PCDHA3: variants seen among roughly 807,000 people sequenced by gnomAD.
The protein encoded by PCDHA3 is protocadherin alpha 3.
A neutral mutation model predicts 62.2 loss-of-function variants in PCDHA3; 41 were observed. The observed-to-expected ratio is 0.66, with a 90% CI of 0.51 to 0.86. The LOEUF is 0.86. Ranked by LOEUF, PCDHA3 falls within the 40% of genes least tolerant of loss-of-function variation. The pLI is 0.00. For missense variants in PCDHA3, 1,304 were observed against 1,241.2 expected (o/e 1.05, Z -0.76); for synonymous variants, 640 against 555.4 (o/e 1.15, Z -2.14).
chr5:140,961,504 G>T (rs2095618659), intron 1 of PCDHA3, among the ~76,000 whole-genome samples: 1 of 152,112 alleles, frequency 6.6e-6, no homozygotes, highest in African/African-American at 2.4e-5. Flanking sequence ...GGGAGACTTT[G>T]TTTAATGTCT....
chr5:140,992,436 G>A (rs782486395), intron 3 of PCDHA3, among the ~76,000 whole-genome samples: 10 of 152,186 alleles, frequency 6.6e-5, no homozygotes, highest in Non-Finnish European at 1.3e-4. Flanking sequence ...TGTTCCAAGA[G>A]TTGGGAGCAG....
chr5:140,985,739 CTTTTTTT>C (rs11372071), intron 3 of PCDHA3, among the ~76,000 whole-genome samples: 2 of 117,922 alleles, frequency 1.7e-5, no homozygotes, highest in African/African-American at 6.4e-5. Flanking sequence ...TGATGAATTC[CTTTTTTT>C]TTTTTTTTTT....
chr5:140,804,261 T>C (rs1212354141), intron 1 of PCDHA3: 1 of 152,214 alleles, frequency 6.6e-6, no homozygotes, highest in Non-Finnish European at 1.5e-5. Flanking sequence ...AGAATAACAA[T>C]TGCATTTAGA....
chr5:140,845,872 C>T (rs1261726866), intron 1 of PCDHA3, among the ~76,000 whole-genome samples: 3 of 149,504 alleles, frequency 2.0e-5, no homozygotes, highest in Non-Finnish European at 4.5e-5. Flanking sequence ...AGAAAGGCAA[C>T]CTAAAATGTC....
intron 1 of PCDHA3, chr5:140,866,169 T>C (rs914189373): frequency 2.0e-5 from 3 of 152,132 alleles, no homozygotes; most frequent in African/African-American, 4.8e-5. Context: ...TCGTTTAACA[T>C]GTAAGAAAAG....
rs193096250 is a variant in PCDHA3 at position 140,998,611 on chromosome 5, C to A, written c.2543-11016C>A. Among the ~76,000 whole-genome samples, 28 of 151,482 alleles carry A rather than the reference C, an allele frequency of 1.8e-4. No individual in the cohort carries two copies. The East Asian group carries it at 5.2e-3, about 28-fold the overall frequency. ...CAGAGTTTTGCTCTTGTTGCCCAGG[C>A]TGGAGTGCAATGGCACAATCTCAGC... On this transcript the variant is annotated intron_variant, in intron 3 of 3. Transcript: ENST00000522353.
At chr5:140,830,376 A>G in intron 1 of PCDHA3, 1 of 1,614,094 alleles carries the variant, frequency 6.2e-7, no homozygotes, top group South Asian at 1.1e-5. Context: ...TGCTCCGGGG[A>G]GGGCCCACCC....
chr5:140,824,848 GT>G (rs1205508305), intron 1 of PCDHA3: 1 of 151,796 alleles, frequency 6.6e-6, no homozygotes, highest in African/African-American at 2.4e-5. Context: ...CACTAATTTA[GT>G]TTGTTTTCAA....
At chr5:140,876,684 C>T (rs973560970) in intron 1 of PCDHA3, 29 of 1,614,110 alleles carry the variant, frequency 1.8e-5, no homozygotes, top group Admixed American at 3.3e-5. Flanking sequence ...ACAAGAATTA[C>T]TACTCGTTGG....
At chr5:140,969,584 G>C in intron 1 of PCDHA3, 1 of 907,936 alleles carries the variant, frequency 1.1e-6, no homozygotes, top group Non-Finnish European at 1.6e-6. Context: ...GTGAGGATTA[G>C]TCTTAATATT....
At chr5:140,821,773 G>A in intron 1 of PCDHA3, 1 of 1,604,534 alleles carries the variant, frequency 6.2e-7, no homozygotes, top group East Asian at 2.2e-5. Context: ...GAACGAGATT[G>A]AGATGGTATA....
At position 140,870,438 on chromosome 5, in the gene PCDHA3, C is replaced by T. The variant is rs192088459; in HGVS notation, c.2394+66847C>T. 3.9e-4 allele frequency: 630 copies of T among 1,614,178 alleles called. 3 individuals are homozygous for T. The African/African-American group carries it at 7.7e-3, about 20-fold the overall frequency. On this transcript the variant is annotated intron_variant, in intron 1 of 3. Coordinates refer to ENST00000522353, the MANE Select transcript of PCDHA3 (RefSeq NM_018906.3). ...CGGCCAGGGTATCCGTGGAGGTGGCCGACGTGAACGACAATGCGCCTGCGT... is the reference window on the plus strand; with the variant it reads ...CGGCCAGGGTATCCGTGGAGGTGGCTGACGTGAACGACAATGCGCCTGCGT...
At chr5:141,008,367 G>A (rs2098373101) in intron 3 of PCDHA3, among the ~76,000 whole-genome samples, 1 of 152,144 alleles carries the variant, frequency 6.6e-6, no homozygotes, top group African/African-American at 2.4e-5. Flanking sequence ...AAGGAGCAGT[G>A]TTAGATACAT....
intron 1 of PCDHA3, among the ~76,000 whole-genome samples, chr5:140,901,420 C>G (rs2153473414): frequency 6.6e-6 from 1 of 152,248 alleles, no homozygotes; most frequent in East Asian, 1.9e-4. Context: ...TAGTTTCATT[C>G]CTCTGCATAT....
chr5:140,883,397 C>A, intron 1 of PCDHA3: 1 of 1,614,170 alleles, frequency 6.2e-7, no homozygotes. Flanking sequence ...TGTGTCCGAT[C>A]GTGACTCTGG....
intron 1 of PCDHA3, among the ~76,000 whole-genome samples, chr5:140,889,878 A>G (rs1456816812): frequency 6.6e-6 from 1 of 152,178 alleles, no homozygotes; most frequent in African/African-American, 2.4e-5. Flanking sequence ...GCCTGCCACC[A>G]TGTAAGAATT....
At chr5:140,984,192 A>G (rs1233193080) in intron 3 of PCDHA3, among the ~76,000 whole-genome samples, 31 of 152,144 alleles carry the variant, frequency 2.0e-4, no homozygotes, top group Admixed American at 2.0e-3. Context: ...ATGACTTTCT[A>G]CCTTGCCTTT....
intron 1 of PCDHA3, chr5:140,881,430 T>G: frequency 1.1e-6 from 1 of 889,582 alleles, no homozygotes; most frequent in Non-Finnish European, 1.3e-6. Flanking sequence ...TCCAGGCATA[T>G]TTTATAAAAA....
At chr5:140,837,492 T>A (rs1775076857) in intron 1 of PCDHA3, among the ~76,000 whole-genome samples, 1 of 140,282 alleles carries the variant, frequency 7.1e-6, no homozygotes, top group Non-Finnish European at 1.5e-5. Flanking sequence ...TTACTTTACC[T>A]TTCTGAATTT....
Sources: allele counts gnomAD v4.1 joint callset (sites outside exome capture counted in the v4.1 genomes callset), GRCh38; gene constraint gnomAD v4.1.1; transcripts MANE v1.5; gene names NCBI Gene and HGNC (gene_info 2026-07-23, HGNC 2026-07-21).